The following LPIN2 variants were observed in gnomAD, a reference collection of about 807,000 sequenced individuals.
LPIN2 encodes phosphatidate phosphatase LPIN2.
LPIN2 carries 55 observed loss-of-function variants against 111.4 expected under a neutral mutation model. That is an observed-to-expected ratio of 0.49 (90% CI 0.40 to 0.62). LPIN2 has a LOEUF of 0.62. Ranked by LOEUF, LPIN2 falls within the 20% of genes least tolerant of loss-of-function variation. The pLI is 0.00. For missense variants in LPIN2, 992 were observed against 1,112.1 expected (o/e 0.89, Z 1.54); for synonymous variants, 425 against 414.0 (o/e 1.03, Z -0.32).
In LPIN2 at chr18:2,929,417, C is replaced by CA. The variant is rs201649931; in HGVS notation, c.1457-260dup. Among the ~76,000 whole-genome samples, 1,712 of 151,720 alleles carry CA rather than the reference C, an allele frequency of 0.011. 13 individuals carry two copies. The highest frequency in any genetic ancestry group is 0.034 in the Middle Eastern group (10 of 292). ...TAAAAAGGGACATGACAGAGACTTTCAAAAAAAATACATACAGATGTGGCT... is the reference window on the plus strand; with the variant it reads ...TAAAAAGGGACATGACAGAGACTTTCAAAAAAAAATACATACAGATGTGGCT... On this transcript the variant is annotated intron_variant, in intron 9 of 19. Coordinates refer to ENST00000677752, the MANE Select transcript of LPIN2 (RefSeq NM_001375808.2).
intron 1 of LPIN2, among the ~76,000 whole-genome samples, chr18:2,995,000 G>A (rs947398734): frequency 1.1e-4 from 16 of 152,126 alleles, no homozygotes; most frequent in Admixed American, 9.8e-4. Flanking sequence ...CAGACCTCCA[G>A]GATGGAACCT....
chr18:2,939,377 C>T, intron 6 of LPIN2, 103 bp downstream of exon 6: 1 of 1,389,540 alleles, frequency 7.2e-7, no homozygotes, highest in Non-Finnish European at 1.0e-6. Flanking sequence ...CATTTACATT[C>T]ATGAGAGCTC....
intron 7 of LPIN2, among the ~76,000 whole-genome samples, chr18:2,934,861 G>C (rs2077264142): frequency 6.6e-6 from 1 of 152,146 alleles, no homozygotes. Context: ...TATTCACATG[G>C]TGCCCAAGTA....
chr18:2,945,913 C>A, intron 4 of LPIN2: 3 of 1,419,078 alleles, frequency 2.1e-6, no homozygotes, highest in Admixed American at 3.3e-5. Flanking sequence ...TTTTGTACAG[C>A]CCTCTTGGTC....
intron 7 of LPIN2, among the ~76,000 whole-genome samples, chr18:2,937,225 A>T (rs1047276392): frequency 3.9e-5 from 6 of 152,010 alleles, no homozygotes; most frequent in Admixed American, 1.3e-4. Context: ...TTCCAGGGGG[A>T]CGCCATGGAA....
chr18:2,971,023 C>T (rs767432067), intron 1 of LPIN2, among the ~76,000 whole-genome samples: 5 of 152,174 alleles, frequency 3.3e-5, no homozygotes, highest in Non-Finnish European at 7.3e-5. Flanking sequence ...CTCCGAGTGG[C>T]GGCCCAGACC....
In LPIN2 at chr18:2,951,123, A is replaced by G; in HGVS notation, c.522T>C (p.Ser174=). Residue 174 remains serine (S), a synonymous_variant, in exon 4 of 20, where the codon TCT becomes TCC. Transcript: ENST00000677752. Reference sequence around the variant, plus strand: ...CATCACATGTGTCTTCTGCAGCAGCAGATGCGGCCTGCTCTTCCTTCTTAC... The same window carrying G: ...CATCACATGTGTCTTCTGCAGCAGCGGATGCGGCCTGCTCTTCCTTCTTAC... ...QDSKKEEQAA[S]AAAEDTCDVG... The G allele has an allele frequency of 1.9e-6, 3 of 1,614,160 alleles. No individual in the cohort carries two copies. Among genetic ancestry groups the G allele is most frequent in the Non-Finnish European group, 2.5e-6 (3 of 1,180,034 alleles).
intron 17 of LPIN2, 22 bp downstream of exon 17, chr18:2,922,025 G>C (rs1003428406): frequency 3.7e-6 from 6 of 1,607,618 alleles, no homozygotes; most frequent in Admixed American, 1.7e-5. Context: ...GGTGGGCAGA[G>C]GGCTGCCTGC....
intron 1 of LPIN2, chr18:2,977,041 CA>C (rs1848370706): frequency 6.6e-6 from 1 of 151,992 alleles, no homozygotes; most frequent in Admixed American, 6.6e-5. Context: ...ACACAGTCTC[CA>C]CAAAAAAATA....
At position 2,975,721 on chromosome 18, in the gene LPIN2, T is replaced by C. The variant is rs187719217; in HGVS notation, c.-9-14872A>G. On this transcript the variant is annotated intron_variant, in intron 1 of 19. Transcript: ENST00000677752. ...TATCCTAAACCTTCTAAAAGAATTG[T>C]GTAGTAAACCTATTTTGGTGGCGAC... Among the ~76,000 whole-genome samples, 5 of 152,330 alleles carry C rather than the reference T, an allele frequency of 3.3e-5. No individual in the cohort carries two copies. In the South Asian group the frequency reaches 6.2e-4, roughly 19 times the overall value.
At chr18:2,992,974 CAAAAAAAA>C (rs59159362) in intron 1 of LPIN2, among the ~76,000 whole-genome samples, 2 of 97,326 alleles carry the variant, frequency 2.1e-5, no homozygotes, top group South Asian at 3.4e-4. Flanking sequence ...AGACCCGTCT[CAAAAAAAA>C]AAAAAAAAAA....
chr18:2,924,631 C>T (rs2077103888), intron 14 of LPIN2, 85 bp from the exon 15 acceptor site: 3 of 1,413,942 alleles, frequency 2.1e-6, no homozygotes, highest in Non-Finnish European at 2.0e-6. Context: ...ACTGGTGTCT[C>T]GGAATCCCAA....
At chr18:3,011,673 T>A (rs770584235) in intron 1 of LPIN2, 2 of 152,182 alleles carry the variant, frequency 1.3e-5, no homozygotes, top group Non-Finnish European at 2.9e-5. Context: ...GGCGACAGAG[T>A]GAGACTCTGT....
At chr18:2,989,284 T>C (rs2078229241) in intron 1 of LPIN2, among the ~76,000 whole-genome samples, 1 of 151,710 alleles carries the variant, frequency 6.6e-6, no homozygotes, top group Admixed American at 6.6e-5. Context: ...ATTTCTAAAA[T>C]CTCAAACATT....
At chr18:3,007,248 T>C (rs926553376) in intron 1 of LPIN2, among the ~76,000 whole-genome samples, 3 of 152,178 alleles carry the variant, frequency 2.0e-5, no homozygotes, top group African/African-American at 7.2e-5. Flanking sequence ...CTTGGCTCAC[T>C]GCAAGCTCCG....
chr18:2,935,209 T>A (rs1463297993), intron 7 of LPIN2, among the ~76,000 whole-genome samples: 4 of 152,230 alleles, frequency 2.6e-5, no homozygotes, highest in African/African-American at 7.2e-5. Context: ...CATATTAAAA[T>A]TATATTTTGG....
intron 1 of LPIN2, chr18:3,011,772 A>C (rs935959763): frequency 5.3e-5 from 8 of 152,264 alleles, no homozygotes; most frequent in Non-Finnish European, 1.0e-4. Context: ...CGGCTATCAC[A>C]CGTGGCTTCA....
chr18:2,981,732 T>C (rs1002685916), intron 1 of LPIN2, among the ~76,000 whole-genome samples: 3 of 152,200 alleles, frequency 2.0e-5, no homozygotes, highest in African/African-American at 7.2e-5. Context: ...TTTCCATTAG[T>C]TCCTGAGAAC....
intron 1 of LPIN2, among the ~76,000 whole-genome samples, chr18:2,971,545 G>A (rs1164215961): frequency 1.3e-5 from 2 of 152,170 alleles, no homozygotes; most frequent in African/African-American, 4.8e-5. Context: ...CTGAAAGCTT[G>A]GCACAGTGCC....
Sources: allele counts gnomAD v4.1 joint callset (sites outside exome capture counted in the v4.1 genomes callset), GRCh38; gene constraint gnomAD v4.1.1; transcripts MANE v1.5; gene names NCBI Gene and HGNC (gene_info 2026-07-23, HGNC 2026-07-21).